Variants in TSHZ2 observed in about 807,000 individuals in gnomAD.
TSHZ2 encodes teashirt homolog 2.
Under a neutral mutation model 74.4 loss-of-function variants are expected in TSHZ2, and 21 were observed. That is an observed-to-expected ratio of 0.28 (90% CI 0.20 to 0.41). The LOEUF (loss-of-function observed/expected upper bound fraction) is 0.41. TSHZ2 is among the 10% of genes least tolerant of loss of function. The pLI, the probability that TSHZ2 is intolerant of heterozygous loss-of-function variation, is 1.00. For synonymous variants in TSHZ2, 540 were observed against 515.3 expected (o/e 1.05, Z -0.65); for missense variants, 1,244 against 1,293.5 (o/e 0.96, Z 0.59).
rs756690172 is a variant in TSHZ2 at position 53,255,904 on chromosome 20, G to T, written c.2446G>T (p.Val816Phe). The T allele has an allele frequency of 3.7e-6, 6 of 1,614,032 alleles. No homozygotes were observed. The East Asian group carries it at 6.7e-5, about 18-fold the overall frequency. Residue 816 changes from valine to phenylalanine, a missense_variant, in exon 2 of 3, where the codon GTC becomes TTC. Val to Phe is a conservative substitution (Grantham distance 50). This residue lies in a region of TSHZ2 where 562 missense variants were observed against 544.0 expected (regional missense o/e 1.03). Coordinates refer to ENST00000371497, the MANE Select transcript of TSHZ2 (RefSeq NM_173485.6). The surrounding 1 kb of genome is among the most constrained non-coding windows in gnomAD (Gnocchi z 4.1). ...TTPKPASSSRVPPMKLEMDVR... is the reference protein window; with the variant it reads ...TTPKPASSSRFPPMKLEMDVR... ...CCCAAAGCCAGCCTCCTCCTCCAGGGTCCCCCCCATGAAGCTGGAAATGGA... is the reference window on the plus strand; with the variant it reads ...CCCAAAGCCAGCCTCCTCCTCCAGGTTCCCCCCCATGAAGCTGGAAATGGA...
chr20:53,260,185 A>C (rs1185892157), intron 2 of TSHZ2, among the ~76,000 whole-genome samples: 3 of 152,208 alleles, frequency 2.0e-5, no homozygotes, highest in African/African-American at 7.2e-5. Flanking sequence ...ATAATACTGA[A>C]CCAGAAGTTC....
intron 1 of TSHZ2, among the ~76,000 whole-genome samples, chr20:53,121,822 C>T (rs936591925): frequency 6.6e-6 from 1 of 152,058 alleles, no homozygotes; most frequent in African/African-American, 2.4e-5. Context: ...GGTCATTAAA[C>T]AAGAGTAGTG....
intron 2 of TSHZ2, among the ~76,000 whole-genome samples, chr20:53,366,001 A>G (rs1202478851): frequency 6.6e-6 from 1 of 152,214 alleles, no homozygotes; most frequent in East Asian, 1.9e-4. Context: ...GCCAGAATCA[A>G]CCAAAATTCA....
intron 1 of TSHZ2, among the ~76,000 whole-genome samples, chr20:53,143,098 G>T (rs954583845): frequency 6.6e-6 from 1 of 152,106 alleles, no homozygotes; most frequent in Non-Finnish European, 1.5e-5. Flanking sequence ...ACCAGATGAG[G>T]CATATGTAAA....
intron 2 of TSHZ2, among the ~76,000 whole-genome samples, chr20:53,340,350 T>A (rs1044495144): frequency 1.3e-5 from 2 of 151,766 alleles, no homozygotes; most frequent in Non-Finnish European, 2.9e-5. Context: ...CCCAGCTAAT[T>A]TTTTGTATAT....
rs532782087 is a variant in TSHZ2 at position 53,213,425 on chromosome 20, C to A, written c.41-40074C>A. On this transcript the variant is annotated intron_variant, in intron 1 of 2. Transcript: ENST00000371497. The stretch of plus-strand genomic sequence containing the variant: ...TACAACTAGAGCTAATAGGAACCAC[C>A]CAGCACTCGTCAATGCCTGAACTGG... Among the ~76,000 whole-genome samples, 17 of 152,256 alleles carry A rather than the reference C, an allele frequency of 1.1e-4. No individual in the cohort carries two copies. In the South Asian group the frequency reaches 3.1e-3, roughly 28 times the overall value.
chr20:52,987,502 T>C (rs999032091), intron 1 of TSHZ2, among the ~76,000 whole-genome samples: 3 of 151,356 alleles, frequency 2.0e-5, no homozygotes, highest in Non-Finnish European at 4.4e-5. Context: ...TCTTTCCCTC[T>C]CTCTTTCTCC....
intron 1 of TSHZ2, among the ~76,000 whole-genome samples, chr20:53,013,919 T>C (rs1171773395): frequency 6.6e-6 from 1 of 152,206 alleles, no homozygotes; most frequent in Non-Finnish European, 1.5e-5. Flanking sequence ...GATAAGGGAA[T>C]GAAAACAAAA....
rs548370588 is a variant in TSHZ2, at chr20:53,350,699, T to C, written c.*8+94128T>C. On this transcript the variant is annotated intron_variant, in intron 2 of 2. Transcript: ENST00000371497. ...AAGAAGTCCCCAGCACCTTACAGGA[T>C]TGATATTGAGAGCTTTTACAGTGTT... 2.0e-5 allele frequency among the ~76,000 whole-genome samples: 3 copies of C among 152,358 alleles called. No homozygotes were observed. The East Asian group carries it at 5.8e-4, about 29-fold the overall frequency.
chr20:53,175,818 C>G (rs796246211), intron 1 of TSHZ2, among the ~76,000 whole-genome samples: 12 of 152,314 alleles, frequency 7.9e-5, no homozygotes, highest in African/African-American at 2.9e-4. Context: ...ACTGACTTCC[C>G]CCAACCTTTG....
intron 1 of TSHZ2, among the ~76,000 whole-genome samples, chr20:53,072,989 T>TCATCCATCCCTCCCTC (rs752288062): frequency 0.011 from 1,109 of 101,680 alleles, 19 homozygotes; most frequent in Non-Finnish European, 0.017. Flanking sequence ...ATCCCTCCCT[T>TCATCCATCCCTCCCTC]CATCCATCCC....
intron 2 of TSHZ2, among the ~76,000 whole-genome samples, chr20:53,371,006 T>C (rs1981448520): frequency 1.3e-5 from 2 of 152,196 alleles, no homozygotes; most frequent in Non-Finnish European, 2.9e-5. Flanking sequence ...TTCCAGCTTC[T>C]GGTGTTCCTT....
At chr20:53,375,747 G>A (rs1384439977) in intron 2 of TSHZ2, among the ~76,000 whole-genome samples, 2 of 152,104 alleles carry the variant, frequency 1.3e-5, no homozygotes, top group African/African-American at 4.8e-5. Context: ...GAACTACTGG[G>A]AAACATTCTT....
At chr20:53,410,473 G>T (rs1415355929) in intron 2 of TSHZ2, among the ~76,000 whole-genome samples, 1 of 152,114 alleles carries the variant, frequency 6.6e-6, no homozygotes, top group Non-Finnish European at 1.5e-5. Flanking sequence ...AACAAAATCG[G>T]TGGAGGAGGA....
intron 2 of TSHZ2, among the ~76,000 whole-genome samples, chr20:53,306,939 G>A (rs1377601587): frequency 6.6e-6 from 1 of 152,174 alleles, no homozygotes; most frequent in Non-Finnish European, 1.5e-5. Context: ...TTACCTAACA[G>A]TTTATCCTCA....
rs1170597208 is a variant in TSHZ2, at chr20:52,972,437, TTG to T, written c.-846_-845del. The T allele has an allele frequency of 6.6e-6, 1 of 150,430 alleles. No individual in the cohort carries two copies. The highest frequency in any genetic ancestry group is 1.5e-5 in the Non-Finnish European group (1 of 67,684). The allele number at this position is 150,430 out of a possible 1,614,324, so 9.3% of individuals were successfully genotyped here. ...TGTGTGCGAGGGTGTGTGTGTGTGT[TTG>T]TGTGTGTGTGCATATGTGGGGGGTG... On this transcript the variant is annotated 5_prime_UTR_variant, in exon 1 of 3. It introduces an in-frame stop codon into an upstream open reading frame of the 5' UTR. Transcript: ENST00000371497.
At chr20:53,306,225 C>G (rs1390702097) in intron 2 of TSHZ2, among the ~76,000 whole-genome samples, 2 of 152,136 alleles carry the variant, frequency 1.3e-5, no homozygotes, top group Admixed American at 1.3e-4. Flanking sequence ...GAGCCACCAC[C>G]CAGCTCATCT....
chr20:53,012,660 CCACA>C (rs145074307), intron 1 of TSHZ2, among the ~76,000 whole-genome samples: 1 of 151,086 alleles, frequency 6.6e-6, no homozygotes, highest in Non-Finnish European at 1.5e-5. Context: ...AACCAACCAA[CCACA>C]CACACACACA....
At chr20:53,439,928 A>G (rs1030428523) in intron 2 of TSHZ2, among the ~76,000 whole-genome samples, 2 of 152,204 alleles carry the variant, frequency 1.3e-5, no homozygotes, top group Non-Finnish European at 2.9e-5. Flanking sequence ...ACACAAAGTG[A>G]AGACTCATTT....
Sources: gnomAD v4.1 joint callset for allele counts (sites outside exome capture counted in the v4.1 genomes callset) on GRCh38, gnomAD v4.1.1 for gene constraint, gnomAD v4.1.1 regional missense constraint, Gnocchi (gnomAD v3.1) non-coding constraint, MANE v1.5 for transcripts, NCBI Gene and HGNC (gene_info 2026-07-23, HGNC 2026-07-21) for gene names.